GRM8: variants seen among roughly 807,000 people sequenced by gnomAD.
The protein encoded by GRM8 is metabotropic glutamate receptor 8.
A neutral mutation model predicts 87.2 loss-of-function variants in GRM8; 47 were observed. That is an observed-to-expected ratio of 0.54 (90% confidence interval 0.43 to 0.69). GRM8 has a LOEUF of 0.69. GRM8 is among the 30% of genes least tolerant of loss of function. The pLI, the probability that GRM8 is intolerant of heterozygous loss-of-function variation, is 0.00. For missense variants in GRM8, 1,019 were observed against 1,139.2 expected (o/e 0.89, Z 1.52); for synonymous variants, 396 against 404.5 (o/e 0.98, Z 0.25).
intron 9 of GRM8, among the ~76,000 whole-genome samples, chr7:126,489,954 G>A (rs1309206277): frequency 6.6e-6 from 1 of 151,978 alleles, no homozygotes; most frequent in Non-Finnish European, 1.5e-5. Context: ...AGAGTTTCTG[G>A]TTCTTGGGCC....
intron 7 of GRM8, among the ~76,000 whole-genome samples, chr7:126,684,826 G>A (rs1429973458): frequency 1.3e-5 from 2 of 152,226 alleles, no homozygotes; most frequent in Non-Finnish European, 2.9e-5. Context: ...GCCACAAGTT[G>A]TTGAAGTCTG....
intron 3 of GRM8, among the ~76,000 whole-genome samples, chr7:127,060,160 G>A (rs1563464477): frequency 6.6e-6 from 1 of 152,124 alleles, no homozygotes; most frequent in African/African-American, 2.4e-5. Context: ...GACATCGAAA[G>A]GCAAGTTTTC....
At chr7:126,627,715 C>T (rs199521375) in intron 7 of GRM8, among the ~76,000 whole-genome samples, 1 of 151,936 alleles carries the variant, frequency 6.6e-6, no homozygotes, top group South Asian at 2.1e-4. Context: ...AAGAAAGTCC[C>T]TCATATTCTA....
intron 9 of GRM8, among the ~76,000 whole-genome samples, chr7:126,500,068 T>C (rs534384045): frequency 6.6e-6 from 1 of 152,090 alleles, no homozygotes; most frequent in East Asian, 1.9e-4. Flanking sequence ...GATTTCTTTA[T>C]GATGAAGACA....
intron 7 of GRM8, among the ~76,000 whole-genome samples, chr7:126,750,639 A>C (rs1356209984): frequency 6.6e-6 from 1 of 152,060 alleles, no homozygotes; most frequent in Non-Finnish European, 1.5e-5. Context: ...TGTTTTAGCC[A>C]CTGTCTTCCA....
chr7:127,144,056 A>T (rs1223808224), intron 2 of GRM8, among the ~76,000 whole-genome samples: 1 of 152,118 alleles, frequency 6.6e-6, no homozygotes, highest in Non-Finnish European at 1.5e-5. Context: ...GGCCTTGAGA[A>T]GTCTGTGCCT....
chr7:127,037,015 AG>A lies in GRM8; in HGVS notation c.727+69480del, dbSNP rs1199661090. 8.5e-5 allele frequency among the ~76,000 whole-genome samples: 13 copies of A among 152,162 alleles called. No homozygotes were observed. In the East Asian group the frequency reaches 2.5e-3, roughly 29 times the overall value. ...TAAAATAGACAAACAGAAGGATAAG[AG>A]CCAGAGAGACAGAATATTGCTTACC... On this transcript the variant is annotated intron_variant, in intron 3 of 10. Transcript: ENST00000339582.
chr7:126,668,722 A>C (rs1278033395), intron 7 of GRM8, among the ~76,000 whole-genome samples: 5 of 152,158 alleles, frequency 3.3e-5, no homozygotes, highest in African/African-American at 4.8e-5. Context: ...AGGCATTTTT[A>C]AACTGTTCTT....
At chr7:126,777,240 G>C (rs1033974258) in intron 6 of GRM8, among the ~76,000 whole-genome samples, 24 of 152,108 alleles carry the variant, frequency 1.6e-4, no homozygotes, top group African/African-American at 5.8e-4. Context: ...GAAGTGAAAG[G>C]GAAGAGGGAG....
At chr7:127,199,338 A>G (rs1232926221) in intron 2 of GRM8, among the ~76,000 whole-genome samples, 1 of 152,250 alleles carries the variant, frequency 6.6e-6, no homozygotes, top group African/African-American at 2.4e-5. Context: ...TAGAAATTAA[A>G]CTTGCTTTCA....
chr7:127,051,746 A>G (rs1349616557), intron 3 of GRM8, among the ~76,000 whole-genome samples: 4 of 147,078 alleles, frequency 2.7e-5, no homozygotes, highest in African/African-American at 1.0e-4. Flanking sequence ...GAGCAAAAAA[A>G]AAAAAAAAAA....
At chr7:127,074,080 G>A (rs1822009611) in intron 3 of GRM8, among the ~76,000 whole-genome samples, 1 of 152,114 alleles carries the variant, frequency 6.6e-6, no homozygotes. Flanking sequence ...AATAAGACTT[G>A]GAAATGGAAG....
At chr7:126,779,218 G>A (rs1819804321) in intron 6 of GRM8, among the ~76,000 whole-genome samples, 1 of 151,924 alleles carries the variant, frequency 6.6e-6, no homozygotes, top group African/African-American at 2.4e-5. Flanking sequence ...AGGATCATAA[G>A]TTTTTCATTT....
intron 6 of GRM8, among the ~76,000 whole-genome samples, chr7:126,785,292 G>A (rs781615673): frequency 3.3e-5 from 5 of 152,030 alleles, no homozygotes; most frequent in Non-Finnish European, 7.4e-5. Context: ...ACCCTCTTTC[G>A]GTCAAGCTCT....
intron 3 of GRM8, among the ~76,000 whole-genome samples, chr7:126,949,688 T>G (rs987728149): frequency 6.6e-6 from 1 of 152,190 alleles, no homozygotes; most frequent in East Asian, 1.9e-4. Context: ...GCTAGATCTT[T>G]TACATCACTG....
intron 6 of GRM8, among the ~76,000 whole-genome samples, chr7:126,788,122 A>G (rs1820821587): frequency 6.6e-6 from 1 of 152,030 alleles, no homozygotes; most frequent in African/African-American, 2.4e-5. Flanking sequence ...TATCATTAAA[A>G]CAATCTGGCC....
At chr7:126,459,104 A>G (rs1294329988) in intron 9 of GRM8, among the ~76,000 whole-genome samples, 1 of 151,452 alleles carries the variant, frequency 6.6e-6, no homozygotes, top group Non-Finnish European at 1.5e-5. Flanking sequence ...CATAAACCAT[A>G]TCATATTTGG....
chr7:126,656,534 G>A (rs1423869031), intron 7 of GRM8, among the ~76,000 whole-genome samples: 1 of 89,284 alleles, frequency 1.1e-5, no homozygotes, highest in East Asian at 2.7e-4. Flanking sequence ...AGGTTTGGTG[G>A]CACGTGCCTG....
intron 6 of GRM8, among the ~76,000 whole-genome samples, chr7:126,886,192 G>T (rs1800480992): frequency 6.6e-6 from 1 of 152,058 alleles, no homozygotes; most frequent in Non-Finnish European, 1.5e-5. Context: ...AAGTAAATCT[G>T]AGCTTCCCCA....
Sources: allele counts gnomAD v4.1 joint callset (sites outside exome capture counted in the v4.1 genomes callset), GRCh38; gene constraint gnomAD v4.1.1; transcripts MANE v1.5; gene names NCBI Gene and HGNC (gene_info 2026-07-23, HGNC 2026-07-21).